Variants in SDK1 observed in about 807,000 individuals in gnomAD.
SDK1 encodes the protein sidekick cell adhesion molecule 1, also known as protein sidekick-1.
A neutral mutation model predicts 245.5 loss-of-function variants in SDK1; 157 were observed. The ratio of observed to expected loss-of-function variants is 0.64; its 90% confidence interval spans 0.56 to 0.73. The LOEUF (loss-of-function observed/expected upper bound fraction) is 0.73, where lower values mean the gene tolerates loss of function less well. Ranked by LOEUF, SDK1 falls within the 30% of genes least tolerant of loss-of-function variation. The pLI, the probability that SDK1 is intolerant of heterozygous loss-of-function variation, is 0.00. For missense variants in SDK1, 3,583 were observed against 3,002.3 expected, an observed-to-expected ratio of 1.19 and a Z score of -4.52; for synonymous variants, 1,647 against 1,278.5, an observed-to-expected ratio of 1.29 and a Z score of -6.15.
intron 32 of SDK1, among the ~76,000 whole-genome samples, chr7:4,166,900 A>C (rs1042828896): frequency 3.3e-5 from 5 of 152,142 alleles, no homozygotes; most frequent in African/African-American, 4.8e-5. Context: ...GCAACGGCAG[A>C]GGGTCCGAGG....
intron 1 of SDK1, among the ~76,000 whole-genome samples, chr7:3,605,470 T>A (rs138861355): frequency 0.012 from 1,789 of 152,352 alleles, 13 homozygotes; most frequent in Non-Finnish European, 0.02. Context: ...CCTTCCTGTT[T>A]ACTAATAATG....
chr7:3,798,716 T>C (rs115141613), intron 4 of SDK1, among the ~76,000 whole-genome samples: 1 of 152,290 alleles, frequency 6.6e-6, no homozygotes, highest in African/African-American at 2.4e-5. Flanking sequence ...CCACATTCTG[T>C]TCTTAGAAGC....
chr7:3,711,304 A>C (rs1274599959), intron 4 of SDK1, among the ~76,000 whole-genome samples: 7 of 152,198 alleles, frequency 4.6e-5, no homozygotes, highest in Non-Finnish European at 8.8e-5. Context: ...TAGTTTTGTA[A>C]CTAAATATGT....
intron 1 of SDK1, among the ~76,000 whole-genome samples, chr7:3,611,356 TCTC>T (rs1781581394): frequency 6.6e-6 from 1 of 152,136 alleles, no homozygotes; most frequent in Non-Finnish European, 1.5e-5. Context: ...TTTTCTCCTT[TCTC>T]CTCCTGCTCT....
chr7:4,149,217 G>A (rs777515792), intron 29 of SDK1, 45 bp from the exon 30 acceptor site: 13 of 1,428,658 alleles, frequency 9.1e-6, no homozygotes, highest in Non-Finnish European at 4.6e-6. Flanking sequence ...TCCTTGGGAA[G>A]GGCAGCCTCT....
intron 28 of SDK1, among the ~76,000 whole-genome samples, chr7:4,144,198 G>C (rs79386331): frequency 0.023 from 3,527 of 152,238 alleles, 130 homozygotes; most frequent in African/African-American, 0.079. Context: ...CCCTCGGTCA[G>C]TCAGTGACTG....
intron 37 of SDK1, 72 bp downstream of exon 37, chr7:4,208,357 C>G (rs1240862086): frequency 1.4e-6 from 2 of 1,423,502 alleles, no homozygotes; most frequent in Non-Finnish European, 1.9e-6. Context: ...GCTCAGGTCC[C>G]CTCACACAGT....
chr7:3,672,112 A>G (rs1055313986), intron 4 of SDK1, among the ~76,000 whole-genome samples: 1 of 152,036 alleles, frequency 6.6e-6, no homozygotes, highest in Admixed American at 6.6e-5. Flanking sequence ...TTTCCTGGTA[A>G]CTCTGAGGAG....
intron 1 of SDK1, among the ~76,000 whole-genome samples, chr7:3,607,341 C>G (rs1484758086): frequency 6.6e-6 from 1 of 152,182 alleles, no homozygotes; most frequent in Non-Finnish European, 1.5e-5. Context: ...CAGTTCCTAT[C>G]TCTCAACCAC....
At chr7:3,817,380 C>G (rs1280288610) in intron 4 of SDK1, among the ~76,000 whole-genome samples, 1 of 152,204 alleles carries the variant, frequency 6.6e-6, no homozygotes, top group East Asian at 1.9e-4. Flanking sequence ...AGGTTAGTGT[C>G]TCCTCCACTC....
intron 4 of SDK1, among the ~76,000 whole-genome samples, chr7:3,676,408 C>G (rs1395443611): frequency 1.3e-5 from 2 of 150,890 alleles, no homozygotes; most frequent in Non-Finnish European, 2.9e-5. Flanking sequence ...TCAGTGCAAG[C>G]TCCACCTCCC....
In SDK1 at chr7:3,675,670, C is replaced by T. The variant is rs114470153; in HGVS notation, c.713+33565C>T. Reference sequence around the variant, plus strand: ...CTCACTGCGGCCTGGAACTCCCGGTCTCAAGCCATCCACTTACCTCAGCCA... The same window carrying T: ...CTCACTGCGGCCTGGAACTCCCGGTTTCAAGCCATCCACTTACCTCAGCCA... On this transcript the variant is annotated intron_variant, in intron 4 of 44. Coordinates refer to ENST00000404826, the MANE Select transcript of SDK1 (RefSeq NM_152744.4). 3.0e-3 allele frequency among the ~76,000 whole-genome samples: 454 copies of T among 152,160 alleles called. 3 individuals are homozygous for T. The highest frequency in any genetic ancestry group is 0.011 in the African/African-American group (436 of 41,514).
At chr7:3,583,527 C>G (rs953106356) in intron 1 of SDK1, among the ~76,000 whole-genome samples, 1 of 152,170 alleles carries the variant, frequency 6.6e-6, no homozygotes, top group African/African-American at 2.4e-5. Context: ...TTGCATCTGT[C>G]TAGTTCATAG....
intron 4 of SDK1, among the ~76,000 whole-genome samples, chr7:3,808,880 A>T (rs1324721073): frequency 6.6e-6 from 1 of 152,176 alleles, no homozygotes; most frequent in African/African-American, 2.4e-5. Flanking sequence ...TTGGATTTTC[A>T]TATTGATTTA....
At chr7:3,569,068 C>T (rs1780021347) in intron 1 of SDK1, among the ~76,000 whole-genome samples, 1 of 145,994 alleles carries the variant, frequency 6.8e-6, no homozygotes, top group Non-Finnish European at 1.5e-5. Context: ...ATTTTCTCAT[C>T]TGAAAAATTA....
At chr7:3,575,531 A>AT (rs1174231463) in intron 1 of SDK1, among the ~76,000 whole-genome samples, 1 of 151,846 alleles carries the variant, frequency 6.6e-6, no homozygotes, top group African/African-American at 2.4e-5. Flanking sequence ...GGTTGGGGTG[A>AT]GGGGGGACAC....
chr7:3,458,868 C>G (rs76038211), intron 1 of SDK1, among the ~76,000 whole-genome samples: 3 of 152,020 alleles, frequency 2.0e-5, no homozygotes, highest in Non-Finnish European at 4.4e-5. Context: ...TCTTAATTAC[C>G]GTAGTTTTAC....
chr7:4,155,419 A>G (rs1562896655), intron 30 of SDK1, among the ~76,000 whole-genome samples: 1 of 152,190 alleles, frequency 6.6e-6, no homozygotes, highest in Non-Finnish European at 1.5e-5. Context: ...CACTTATGGC[A>G]CACCACGTGT....
At chr7:3,494,421 A>G (rs1781958163) in intron 1 of SDK1, among the ~76,000 whole-genome samples, 1 of 152,146 alleles carries the variant, frequency 6.6e-6, no homozygotes, top group Non-Finnish European at 1.5e-5. Flanking sequence ...CTTGAATACA[A>G]TGATGACTTG....
Sources: gnomAD v4.1 joint callset for allele counts (sites outside exome capture counted in the v4.1 genomes callset) on GRCh38, gnomAD v4.1.1 for gene constraint, MANE v1.5 for transcripts, NCBI Gene and HGNC (gene_info 2026-07-23, HGNC 2026-07-21) for gene names.